Variants in CYTH1 observed in about 807,000 individuals in gnomAD.
The protein encoded by CYTH1 is cytohesin-1.
A neutral mutation model predicts 61.8 loss-of-function variants in CYTH1; 18 were observed. The ratio of observed to expected loss-of-function variants is 0.29; its 90% CI spans 0.20 to 0.43. CYTH1 has a LOEUF of 0.43. CYTH1 is among the 20% of genes least tolerant of loss of function. The probability of loss-of-function intolerance (pLI) is 1.00; values close to 1 mark genes in which losing one functional copy is unlikely to be tolerated. For synonymous variants in CYTH1, 174 were observed against 184.3 expected (o/e 0.94, Z 0.45); for missense variants, 336 against 510.5 (o/e 0.66, Z 3.29).
intron 9 of CYTH1, among the ~76,000 whole-genome samples, chr17:78,697,790 A>G (rs1271601960): frequency 1.3e-5 from 2 of 152,144 alleles, no homozygotes; most frequent in Non-Finnish European, 2.9e-5. Context: ...TGGGAAGTAG[A>G]AAGATGGACA....
intron 1 of CYTH1, among the ~76,000 whole-genome samples, chr17:78,713,883 G>T (rs1382970615): frequency 6.6e-6 from 1 of 152,112 alleles, no homozygotes; most frequent in Non-Finnish European, 1.5e-5. Flanking sequence ...CAACCATTCT[G>T]GGTTTAATAT....
chr17:78,773,222 T>C (rs1033580366), intron 1 of CYTH1, among the ~76,000 whole-genome samples: 1 of 152,024 alleles, frequency 6.6e-6, no homozygotes, highest in Non-Finnish European at 1.5e-5. Context: ...GTAATCCTAG[T>C]ACTTTAGGAA....
At chr17:78,718,602 C>T (rs909223065) in intron 1 of CYTH1, among the ~76,000 whole-genome samples, 3 of 152,248 alleles carry the variant, frequency 2.0e-5, no homozygotes, top group Admixed American at 2.0e-4. Context: ...TCCCTCTGCA[C>T]TACCCTATGG....
At chr17:78,741,306 G>A (rs1343469882) in intron 1 of CYTH1, among the ~76,000 whole-genome samples, 3 of 152,060 alleles carry the variant, frequency 2.0e-5, no homozygotes, top group Non-Finnish European at 4.4e-5. Context: ...AGGCCAAGGT[G>A]GGAGGACTGC....
chr17:78,683,952 A>G (rs893069723), intron 11 of CYTH1, among the ~76,000 whole-genome samples: 1 of 152,254 alleles, frequency 6.6e-6, no homozygotes, highest in Non-Finnish European at 1.5e-5. Flanking sequence ...TTGGACCTCA[A>G]TAAGTATGTG....
In CYTH1 at chr17:78,782,260, T is replaced by C; in HGVS notation, c.-37A>G. 2.4e-6 allele frequency: 3 copies of C among 1,236,286 alleles called. No individual in the cohort carries two copies. The highest frequency in any genetic ancestry group is 2.0e-5 in the South Asian group (1 of 49,816). The allele number at this position is 1,236,286 out of a possible 1,614,324, so 76.6% of individuals were successfully genotyped here. A position where few individuals can be genotyped will look rare whatever the true frequency, so the allele number is the denominator to read the frequency against. Reference sequence around the variant, plus strand: ...CGGGCTCCGCGCTCCGGCTCGCCGCTCGCGTCCCGCCGCGCCACCCGCGCC... The same window carrying C: ...CGGGCTCCGCGCTCCGGCTCGCCGCCCGCGTCCCGCCGCGCCACCCGCGCC... On this transcript the variant is annotated 5_prime_UTR_variant, in exon 1 of 14. Coordinates refer to ENST00000446868, the MANE Select transcript of CYTH1 (RefSeq NM_004762.6).
chr17:78,756,980 T>A (rs970032249), intron 1 of CYTH1, among the ~76,000 whole-genome samples: 1 of 145,698 alleles, frequency 6.9e-6, no homozygotes, highest in South Asian at 2.1e-4. Context: ...AATTTTTTTC[T>A]TTTTTTTCTT....
intron 1 of CYTH1, among the ~76,000 whole-genome samples, chr17:78,757,376 T>C (rs1442715607): frequency 6.6e-6 from 1 of 152,110 alleles, no homozygotes. Context: ...AGGTCAAAGT[T>C]CTCCTTCTAA....
At position 78,702,174 on chromosome 17, in the gene CYTH1, A is replaced by T; in HGVS notation, c.304T>A (p.Tyr102Asn). 1 of 1,614,186 alleles carries T rather than the reference A, an allele frequency of 6.2e-7. No homozygotes were observed. Among genetic ancestry groups the T allele is most frequent in the Non-Finnish European group, 8.5e-7 (1 of 1,180,032 alleles). Residue 102 changes from tyrosine to asparagine, a missense_variant, in exon 5 of 14, where the codon TAT (tyrosine) becomes AAT (asparagine). Coordinates refer to ENST00000446868, the MANE Select transcript of CYTH1 (RefSeq NM_004762.6). ...GTCTTGTTGAGCCCTTCGCCTTTAT[A>T]TAAGAACTGGGCAATGTCTTCACAA... ...NTCEDIAQFL[Y>N]KGEGLNKTAI...
intron 1 of CYTH1, among the ~76,000 whole-genome samples, chr17:78,711,138 T>A (rs2093125152): frequency 6.6e-6 from 1 of 151,760 alleles, no homozygotes; most frequent in South Asian, 2.1e-4. Flanking sequence ...GGCAGGTGCC[T>A]GTAGTCCCAG....
chr17:78,695,372 T>C (rs1367232498), intron 10 of CYTH1, among the ~76,000 whole-genome samples: 1 of 152,086 alleles, frequency 6.6e-6, no homozygotes, highest in Non-Finnish European at 1.5e-5. Context: ...GGTTTTTTGG[T>C]TTGGACTTGT....
intron 10 of CYTH1, among the ~76,000 whole-genome samples, chr17:78,694,368 G>A: frequency 6.6e-6 from 1 of 152,224 alleles, no homozygotes; most frequent in Admixed American, 6.5e-5. Flanking sequence ...TAACTTCTAA[G>A]TTTCATGTGA....
At chr17:78,718,238 C>CACACAA (rs1464111262) in intron 1 of CYTH1, among the ~76,000 whole-genome samples, 23 of 150,578 alleles carry the variant, frequency 1.5e-4, no homozygotes, top group African/African-American at 5.4e-4. Context: ...CACACACACA[C>CACACAA]ACACACACAC....
rs1444385462 is a variant in CYTH1, at chr17:78,747,879, T to G, written c.22+34323A>C. ...GTAAAATTTTGTGTTGTATAGGATC[T>G]TTAAAACTATATCTATGTTCCACTT... is the stretch of plus-strand genomic sequence containing the variant. On this transcript the variant is annotated intron_variant, in intron 1 of 13. Coordinates refer to ENST00000446868, the MANE Select transcript of CYTH1 (RefSeq NM_004762.6). 2.6e-5 allele frequency among the ~76,000 whole-genome samples: 4 copies of G among 152,226 alleles called. No individual in the cohort carries two copies. In the East Asian group the frequency reaches 7.7e-4, roughly 29 times the overall value.
chr17:78,731,743 G>A (rs1374424693), intron 1 of CYTH1, among the ~76,000 whole-genome samples: 4 of 129,298 alleles, frequency 3.1e-5, no homozygotes, highest in Admixed American at 9.2e-5. Context: ...GGGCGACAGC[G>A]AGACTCCGTC....
intron 1 of CYTH1, among the ~76,000 whole-genome samples, chr17:78,772,330 C>T (rs189825763): frequency 2.4e-4 from 37 of 152,282 alleles, no homozygotes; most frequent in Admixed American, 2.2e-3. Context: ...TTCCAAATGA[C>T]CTATGATGTG....
rs71309108 is a variant in CYTH1 at position 78,778,637 on chromosome 17, C to CAAAAAAAAAAAA, written c.22+3553_22+3564dup. Among the ~76,000 whole-genome samples, 11 of 64,202 alleles carry CAAAAAAAAAAAA rather than the reference C, an allele frequency of 1.7e-4. 1 individual carries two copies. Among genetic ancestry groups the CAAAAAAAAAAAA allele is most frequent in the Non-Finnish European group, 2.0e-4 (7 of 35,686 alleles). The allele number at this position is 64,202 out of a possible 152,430, so 42.1% of individuals were successfully genotyped here. ...TGGGCAACACAGTGAGACTCCATCT[C>CAAAAAAAAAAAA]AAAAAAAAAAAAAAAAAAAAAAAAG... On this transcript the variant is annotated intron_variant, in intron 1 of 13. Coordinates refer to ENST00000446868, the MANE Select transcript of CYTH1 (RefSeq NM_004762.6).
chr17:78,727,525 C>T, intron 1 of CYTH1: 1 of 342,534 alleles, frequency 2.9e-6, no homozygotes, highest in South Asian at 2.2e-5. Flanking sequence ...CTGTTCCAGA[C>T]ATCACCCTTA....
intron 1 of CYTH1, among the ~76,000 whole-genome samples, chr17:78,711,122 C>T (rs7210949): frequency 0.053 from 8,058 of 151,614 alleles, 390 homozygotes; most frequent in South Asian, 0.15. Flanking sequence ...ATTAGCTGGG[C>T]GTGGTGGCAG....
Sources: gnomAD v4.1 joint callset for allele counts (sites outside exome capture counted in the v4.1 genomes callset) on GRCh38, gnomAD v4.1.1 for gene constraint, MANE v1.5 for transcripts, NCBI Gene and HGNC (gene_info 2026-07-23, HGNC 2026-07-21) for gene names.